Variants in LRGUK observed in about 807,000 individuals in gnomAD.
The protein encoded by LRGUK is leucine rich repeats and guanylate kinase domain containing, also known as leucine-rich repeat and guanylate kinase domain-containing protein.
LRGUK carries 65 observed loss-of-function variants against 76.0 expected under a neutral mutation model. That is an observed-to-expected ratio of 0.85 (90% CI 0.70 to 1.05). The LOEUF is 1.05. LRGUK is among the 50% of genes least tolerant of loss of function. The pLI is 0.00. For synonymous variants in LRGUK, 268 were observed against 265.6 expected (o/e 1.01, Z -0.09); for missense variants, 758 against 732.8 (o/e 1.03, Z -0.40).
chr7:134,219,690 CTCTG>C (rs982198732), intron 15 of LRGUK, among the ~76,000 whole-genome samples: 5 of 151,922 alleles, frequency 3.3e-5, no homozygotes, highest in African/African-American at 4.8e-5. Context: ...GTCTCTCTCT[CTCTG>C]TCTCTCTCTC....
intron 1 of LRGUK, among the ~76,000 whole-genome samples, chr7:134,130,418 C>A (rs1797251802): frequency 6.6e-6 from 1 of 152,148 alleles, no homozygotes. Flanking sequence ...ATTAACAAAC[C>A]ATAGAAGGGG....
chr7:134,139,593 T>C (rs1208727302), intron 3 of LRGUK, 76 bp downstream of exon 3: 2 of 894,036 alleles, frequency 2.2e-6, no homozygotes, highest in African/African-American at 1.7e-5. Context: ...TATGGTTTAA[T>C]AATGCCAGAC....
chr7:134,266,360 G>C (rs1263282707), downstream of LRGUK, among the ~76,000 whole-genome samples: 1 of 152,178 alleles, frequency 6.6e-6, no homozygotes, highest in Non-Finnish European at 1.5e-5. Context: ...TCATAAAAAT[G>C]CTTCAACAAG....
intron 6 of LRGUK, among the ~76,000 whole-genome samples, chr7:134,160,943 G>A (rs1798701868): frequency 6.6e-6 from 1 of 152,160 alleles, no homozygotes. Context: ...TAACTAGATA[G>A]CTTTCAATTC....
chr7:134,196,798 G>T (rs1175048669), intron 12 of LRGUK, among the ~76,000 whole-genome samples, 194 bp from the exon 13 acceptor site: 9 of 151,634 alleles, frequency 5.9e-5, no homozygotes, highest in Admixed American at 5.3e-4. Flanking sequence ...TTTTTTGTCA[G>T]CTGAGAATTC....
chr7:134,175,525 G>T (rs1192197984), intron 8 of LRGUK, among the ~76,000 whole-genome samples: 1 of 152,162 alleles, frequency 6.6e-6, no homozygotes, highest in East Asian at 1.9e-4. Flanking sequence ...TCCCTGAAGG[G>T]TGTTTGTGCA....
At chr7:134,271,066 A>G in the LRGUK span, among the ~76,000 whole-genome samples, 3 of 152,046 alleles carry the variant, frequency 2.0e-5, no homozygotes, top group Admixed American at 2.0e-4. Context: ...ATTGTCAAGT[A>G]AAGTTGAACC....
chr7:134,167,896 TTATCA>T (rs1274167466), intron 7 of LRGUK, among the ~76,000 whole-genome samples: 1 of 152,174 alleles, frequency 6.6e-6, no homozygotes, highest in Non-Finnish European at 1.5e-5. Flanking sequence ...ACTGTTTAAT[TTATCA>T]TTAGTACTTA....
chr7:134,181,039 C>T (rs963162894), intron 10 of LRGUK, among the ~76,000 whole-genome samples: 9 of 152,146 alleles, frequency 5.9e-5, no homozygotes, highest in African/African-American at 2.2e-4. Context: ...AAACATACAG[C>T]CATCACATAC....
intron 17 of LRGUK, 110 bp from the exon 18 acceptor site, chr7:134,248,841 A>G (rs1802372977): frequency 1.3e-6 from 1 of 797,384 alleles, no homozygotes; most frequent in Admixed American, 4.1e-5. Context: ...TTTCACATAG[A>G]TCTCATTGGC....
intron 1 of LRGUK, among the ~76,000 whole-genome samples, chr7:134,133,413 C>T (rs745732032): frequency 1.3e-5 from 2 of 152,166 alleles, no homozygotes; most frequent in Non-Finnish European, 2.9e-5. Context: ...TACTGACATA[C>T]AATGGGGGCC....
chr7:134,149,108 TAAA>T (rs5887660), intron 5 of LRGUK, among the ~76,000 whole-genome samples: 6,954 of 148,910 alleles, frequency 0.047, 485 homozygotes, highest in African/African-American at 0.15. Flanking sequence ...TTTCTTTTTT[TAAA>T]AAAAAAAAAA....
intron 5 of LRGUK, among the ~76,000 whole-genome samples, chr7:134,156,551 T>C (rs1296559401): frequency 1.3e-5 from 2 of 152,136 alleles, no homozygotes; most frequent in African/African-American, 4.8e-5. Context: ...AAAAAGAAAG[T>C]TCTTGGTACA....
intron 16 of LRGUK, among the ~76,000 whole-genome samples, chr7:134,230,025 C>G: frequency 6.6e-6 from 1 of 152,002 alleles, no homozygotes; most frequent in Non-Finnish European, 1.5e-5. Context: ...AAGGAAAAAT[C>G]TGGAATATTA....
At chr7:134,252,791 C>T (rs1802481321) in intron 18 of LRGUK, among the ~76,000 whole-genome samples, 1 of 152,134 alleles carries the variant, frequency 6.6e-6, no homozygotes, top group African/African-American at 2.4e-5. Flanking sequence ...CTGTGTCACC[C>T]TCAGTATGCC....
downstream of LRGUK, among the ~76,000 whole-genome samples, chr7:134,267,512 G>A (rs1802876896): frequency 6.6e-6 from 1 of 152,126 alleles, no homozygotes; most frequent in Non-Finnish European, 1.5e-5. Flanking sequence ...GGACCTGGTG[G>A]GAGATAATTG....
intron 3 of LRGUK, among the ~76,000 whole-genome samples, chr7:134,140,057 C>T (rs1451368044): frequency 6.6e-6 from 1 of 152,182 alleles, no homozygotes; most frequent in Non-Finnish European, 1.5e-5. Flanking sequence ...CAACCTCCGC[C>T]TCCTGGGTTC....
chr7:134,162,209 C>T (rs1468182784), intron 6 of LRGUK, among the ~76,000 whole-genome samples: 3 of 152,174 alleles, frequency 2.0e-5, no homozygotes, highest in Non-Finnish European at 4.4e-5. Flanking sequence ...CTGAGCCAGG[C>T]TCAGCTGGGA....
At chr7:134,206,896 A>G (rs1801031900) in intron 15 of LRGUK, among the ~76,000 whole-genome samples, 1 of 152,234 alleles carries the variant, frequency 6.6e-6, no homozygotes, top group African/African-American at 2.4e-5. Context: ...AATGGTAGAA[A>G]GAAATGATGA....
Sources: allele counts gnomAD v4.1 joint callset (sites outside exome capture counted in the v4.1 genomes callset), GRCh38; gene constraint gnomAD v4.1.1; transcripts MANE v1.5; gene names NCBI Gene and HGNC (gene_info 2026-07-23, HGNC 2026-07-21).